Variants in RNF125 observed in about 807,000 individuals in gnomAD.
The protein encoded by RNF125 is E3 ubiquitin-protein ligase RNF125.
RNF125 carries 21 observed loss-of-function variants against 26.0 expected under a neutral mutation model. The observed-to-expected ratio is 0.81, with a 90% CI of 0.57 to 1.16. The LOEUF (loss-of-function observed/expected upper bound fraction) is 1.16, where lower values mean the gene tolerates loss of function less well. Among genes scored for constraint, RNF125 ranks in the 50% most tolerant of loss-of-function variants. RNF125 has a pLI of 0.00. For synonymous variants in RNF125, 95 were observed against 109.2 expected, an observed-to-expected ratio of 0.87 and a Z score of 0.81; for missense variants, 270 against 299.4, an observed-to-expected ratio of 0.90 and a Z score of 0.72.
In RNF125 at chr18:32,067,699, G is replaced by GT. The variant is rs932373019; in HGVS notation, c.613-592dup. On this transcript the variant is annotated intron_variant, in intron 5 of 5. Coordinates refer to ENST00000217740, the MANE Select transcript of RNF125 (RefSeq NM_017831.4). ...TGACTTTCCTTTGGATTTTGTGGGG[G>GT]TTTTTTTGTTTTGTTTTTATATTGC... 2.0e-5 allele frequency among the ~76,000 whole-genome samples: 3 copies of GT among 152,170 alleles called. No homozygotes were observed. The East Asian group carries it at 5.8e-4, about 29-fold the overall frequency.
At position 32,069,855 on chromosome 18, in the gene RNF125, T is replaced by A. The variant is rs1368081078; in HGVS notation, c.*1471T>A. ...AGGACCTATAGAGTTTCCCATACTT[T>A]GTATTTTGCTGATTGCACACTCATG... On this transcript the variant is annotated 3_prime_UTR_variant, in exon 6 of 6. Coordinates refer to ENST00000217740, the MANE Select transcript of RNF125 (RefSeq NM_017831.4). 6.6e-6 allele frequency: 1 copy of A among 152,180 alleles called. No homozygotes were observed. The highest frequency in any genetic ancestry group is 1.5e-5 in the Non-Finnish European group (1 of 68,036). The allele number at this position is 152,180 out of a possible 1,614,324, so 9.4% of individuals were successfully genotyped here.
intron 2 of RNF125, among the ~76,000 whole-genome samples, chr18:32,039,790 T>C (rs2039197762): frequency 6.7e-6 from 1 of 150,344 alleles, no homozygotes; most frequent in Admixed American, 6.6e-5. Flanking sequence ...TTTTTTTTTT[T>C]TTTTTGAGAT....
chr18:32,022,248 TAAC>T (rs747398296), intron 1 of RNF125, among the ~76,000 whole-genome samples: 2 of 152,224 alleles, frequency 1.3e-5, no homozygotes, highest in Non-Finnish European at 2.9e-5. Flanking sequence ...AGTTTAATAA[TAAC>T]AACAGTACCT....
At chr18:32,058,073 A>G (rs998359608) in intron 4 of RNF125, among the ~76,000 whole-genome samples, 2 of 150,702 alleles carry the variant, frequency 1.3e-5, no homozygotes, top group Non-Finnish European at 2.9e-5. Context: ...TTGTGGTTAC[A>G]GTGAGCCATG....
chr18:32,047,953 C>T (rs1055311675), intron 4 of RNF125, among the ~76,000 whole-genome samples: 2 of 151,654 alleles, frequency 1.3e-5, no homozygotes, highest in African/African-American at 2.4e-5. Context: ...GGTGAAACCC[C>T]GTCTCTACTA....
chr18:32,022,769 A>AGG (rs982968624), intron 1 of RNF125, among the ~76,000 whole-genome samples: 3 of 152,154 alleles, frequency 2.0e-5, no homozygotes, highest in African/African-American at 7.2e-5. Flanking sequence ...GGTACAGATA[A>AGG]GGGGGTGCCT....
intron 2 of RNF125, 170 bp from the exon 3 acceptor site, chr18:32,042,009 G>C: frequency 1.7e-6 from 1 of 599,934 alleles, no homozygotes; most frequent in South Asian, 1.9e-5. Context: ...AAAAATAGTA[G>C]TATTCTTGAT....
chr18:32,028,587 T>C (rs558957184), intron 1 of RNF125, among the ~76,000 whole-genome samples: 4 of 10,814 alleles, frequency 3.7e-4, no homozygotes, highest in African/African-American at 3.0e-3. Flanking sequence ...TTTTGTTTCC[T>C]TTTTTTTTTT....
intron 1 of RNF125, among the ~76,000 whole-genome samples, chr18:32,028,702 G>A (rs2039064425): frequency 6.6e-6 from 1 of 151,190 alleles, no homozygotes; most frequent in African/African-American, 2.4e-5. Flanking sequence ...ACAGGTGTGT[G>A]CCAACACGCC....
At chr18:32,028,443 A>G (rs904239675) in intron 1 of RNF125, among the ~76,000 whole-genome samples, 2 of 151,850 alleles carry the variant, frequency 1.3e-5, no homozygotes, top group African/African-American at 4.8e-5. Flanking sequence ...TTATTTCACC[A>G]ATGTAGACTT....
chr18:32,074,178 A>G (rs754978744), downstream of RNF125, among the ~76,000 whole-genome samples: 5 of 152,192 alleles, frequency 3.3e-5, no homozygotes, highest in Non-Finnish European at 7.3e-5. Flanking sequence ...TCAGAATTCC[A>G]GGGTACTTTC....
rs1598815885 is a variant in RNF125, at chr18:32,042,239, G to A, written c.379G>A (p.Gly127Arg). ...TTGTCAGAAGTACATAGATAAGTAT[G>A]GACCACTACAAGAACTTGAGGAGAC... ...RTCQKYIDKYGPLQELEETAA... is the reference protein window; with the variant it reads ...RTCQKYIDKYRPLQELEETAA... Residue 127 changes from glycine (G) to arginine (R), a missense_variant, in exon 3 of 6, where the codon GGA becomes AGA. Transcript: ENST00000217740. 2 of 1,613,368 alleles carry A rather than the reference G, an allele frequency of 1.2e-6. No individual in the cohort carries two copies. Among genetic ancestry groups the A allele is most frequent in the Non-Finnish European group, 1.7e-6 (2 of 1,179,622 alleles).
intron 4 of RNF125, among the ~76,000 whole-genome samples, chr18:32,048,603 A>G (rs940935493): frequency 1.3e-5 from 2 of 152,180 alleles, no homozygotes; most frequent in Non-Finnish European, 2.9e-5. Context: ...ACAAAGACAG[A>G]ATTTGAATAC....
chr18:32,060,630 AT>A (rs1218100298), intron 4 of RNF125, among the ~76,000 whole-genome samples: 2 of 152,226 alleles, frequency 1.3e-5, no homozygotes, highest in Admixed American at 1.3e-4. Context: ...AATGGACAAC[AT>A]TGAGTATAAG....
the RNF125 span, among the ~76,000 whole-genome samples, chr18:32,089,965 G>A: frequency 6.6e-6 from 1 of 152,156 alleles, no homozygotes; most frequent in East Asian, 1.9e-4. Context: ...TAAAATGTAG[G>A]CCAGGCACAG....
chr18:32,050,831 C>T (rs1225088037), intron 4 of RNF125, among the ~76,000 whole-genome samples: 14 of 134,946 alleles, frequency 1.0e-4, no homozygotes, highest in African/African-American at 3.8e-4. Context: ...TTAGCAAGAA[C>T]CTTGCCCTCC....
At chr18:32,050,645 T>C (rs1246375558) in intron 4 of RNF125, among the ~76,000 whole-genome samples, 1 of 152,076 alleles carries the variant, frequency 6.6e-6, no homozygotes, top group Non-Finnish European at 1.5e-5. Flanking sequence ...GGTTATTTAT[T>C]TTTTTAAATA....
chr18:32,037,769 C>T (rs1319482456), intron 2 of RNF125, among the ~76,000 whole-genome samples: 1 of 152,074 alleles, frequency 6.6e-6, no homozygotes, highest in Non-Finnish European at 1.5e-5. Context: ...CTCTGTAAAA[C>T]GCATCAATCA....
chr18:32,058,237 A>G (rs898705195), intron 4 of RNF125, among the ~76,000 whole-genome samples: 10 of 152,108 alleles, frequency 6.6e-5, no homozygotes, highest in East Asian at 1.9e-4. Context: ...TTTATGGGGC[A>G]CATGAAATAC....
Sources: allele counts gnomAD v4.1 joint callset (sites outside exome capture counted in the v4.1 genomes callset), GRCh38; gene constraint gnomAD v4.1.1; transcripts MANE v1.5; gene names NCBI Gene and HGNC (gene_info 2026-07-23, HGNC 2026-07-21).